DNAJC24: variants seen among roughly 807,000 people sequenced by gnomAD.
DNAJC24 encodes the protein dnaJ homolog subfamily C member 24.
A neutral mutation model predicts 18.0 loss-of-function variants in DNAJC24; 17 were observed. That is an observed-to-expected ratio of 0.94 (90% CI 0.65 to 1.42). DNAJC24 has a LOEUF of 1.42. Among genes scored for constraint, DNAJC24 ranks in the 40% most tolerant of loss-of-function variants. DNAJC24 has a pLI of 0.00. For missense variants in DNAJC24, 158 were observed against 175.6 expected (o/e 0.90, Z 0.57); for synonymous variants, 55 against 57.7 (o/e 0.95, Z 0.21).
intron 2 of DNAJC24, chr11:31,407,333 G>A (rs1952665695): frequency 6.6e-6 from 1 of 152,022 alleles, no homozygotes; most frequent in Non-Finnish European, 1.5e-5. Context: ...AATATATGTA[G>A]CCACTTTACC....
intron 2 of DNAJC24, among the ~76,000 whole-genome samples, chr11:31,394,350 C>T (rs989822580): frequency 8.5e-5 from 13 of 152,196 alleles, no homozygotes; most frequent in African/African-American, 3.1e-4. Context: ...AAGTTTTTCA[C>T]CACTCTGCAC....
At chr11:31,422,964 G>A (rs537823185) in intron 3 of DNAJC24, among the ~76,000 whole-genome samples, 8 of 152,058 alleles carry the variant, frequency 5.3e-5, no homozygotes, top group Admixed American at 2.6e-4. Flanking sequence ...TGTGTACCAC[G>A]TCTGCTCATT....
intron 2 of DNAJC24, among the ~76,000 whole-genome samples, chr11:31,409,481 A>G (rs1401294093): frequency 3.9e-5 from 6 of 152,212 alleles, no homozygotes; most frequent in Non-Finnish European, 8.8e-5. Flanking sequence ...TTGGGATTTC[A>G]TGTTCATGTA....
At chr11:31,396,001 T>C (rs895714025) in intron 2 of DNAJC24, among the ~76,000 whole-genome samples, 1 of 152,230 alleles carries the variant, frequency 6.6e-6, no homozygotes, top group African/African-American at 2.4e-5. Flanking sequence ...AAATTCTTCA[T>C]TGACCTTGGT....
chr11:31,426,386 T>G, intron 4 of DNAJC24, 31 bp downstream of exon 4: 1 of 1,140,588 alleles, frequency 8.8e-7, no homozygotes, highest in Non-Finnish European at 1.2e-6. Flanking sequence ...TGACAACATT[T>G]AAAAAAAAAA....
intron 2 of DNAJC24, among the ~76,000 whole-genome samples, chr11:31,397,161 A>G (rs1952550359): frequency 6.6e-6 from 1 of 152,200 alleles, no homozygotes; most frequent in Admixed American, 6.5e-5. Context: ...CTTTACCACT[A>G]GACTGTGAGT....
At chr11:31,409,759 A>T (rs1017920357) in intron 2 of DNAJC24, among the ~76,000 whole-genome samples, 1 of 152,122 alleles carries the variant, frequency 6.6e-6, no homozygotes. Context: ...ATTTTTATTG[A>T]TCATGGAGTA....
At chr11:31,389,982 T>A (rs1478459856) in intron 2 of DNAJC24, among the ~76,000 whole-genome samples, 1 of 152,030 alleles carries the variant, frequency 6.6e-6, no homozygotes, top group African/African-American at 2.4e-5. Flanking sequence ...AAACACAACA[T>A]ACCAAAACCT....
rs750907646 is a variant in DNAJC24 at position 31,432,457 on chromosome 11, C to T, written c.*2056C>T. The T allele has an allele frequency of 4.5e-6, 6 of 1,339,424 alleles. No individual in the cohort carries two copies. The South Asian group carries it at 4.7e-5, about 10-fold the overall frequency. The allele number at this position is 1,339,424 out of a possible 1,614,324, so 83.0% of individuals were successfully genotyped here. A position where few individuals can be genotyped will look rare whatever the true frequency, so the allele number is the denominator to read the frequency against. On this transcript the variant is annotated 3_prime_UTR_variant, in exon 5 of 5. Transcript: ENST00000465995. Reference sequence around the variant, plus strand: ...GGTTTCAACGGGAGTAATAAATTCACATGAAAAGGAGACAATAATCAAGTC... The same window carrying T: ...GGTTTCAACGGGAGTAATAAATTCATATGAAAAGGAGACAATAATCAAGTC...
chr11:31,403,298 T>G (rs1040538998), intron 2 of DNAJC24, among the ~76,000 whole-genome samples: 2 of 152,066 alleles, frequency 1.3e-5, no homozygotes, highest in African/African-American at 4.8e-5. Flanking sequence ...GTGAGACACT[T>G]TTTTCAGGGT....
At chr11:31,410,098 G>A (rs910017985) in intron 2 of DNAJC24, among the ~76,000 whole-genome samples, 1 of 152,014 alleles carries the variant, frequency 6.6e-6, no homozygotes, top group Non-Finnish European at 1.5e-5. Flanking sequence ...GGTCAGGCTA[G>A]TCTCAAACTC....
chr11:31,394,651 A>G (rs1423612960), intron 2 of DNAJC24, among the ~76,000 whole-genome samples: 1 of 152,138 alleles, frequency 6.6e-6, no homozygotes, highest in Admixed American at 6.5e-5. Context: ...AAAAGGAACC[A>G]TATTTAACAA....
At chr11:31,426,459 T>G in intron 4 of DNAJC24, 104 bp downstream of exon 4, 4 of 654,768 alleles carry the variant, frequency 6.1e-6, no homozygotes, top group Non-Finnish European at 7.6e-6. Context: ...GAAATAATAG[T>G]GTGGCTTTCT....
intron 2 of DNAJC24, among the ~76,000 whole-genome samples, chr11:31,391,608 TG>T (rs1952497223): frequency 6.6e-6 from 1 of 152,140 alleles, no homozygotes; most frequent in African/African-American, 2.4e-5. Context: ...CAATAACAAA[TG>T]CTGGCGAGGA....
chr11:31,418,212 A>C (rs899573428), intron 3 of DNAJC24, among the ~76,000 whole-genome samples: 4 of 152,134 alleles, frequency 2.6e-5, no homozygotes, highest in Non-Finnish European at 5.9e-5. Context: ...AAAGGCATGT[A>C]GTTTTTCAAG....
At chr11:31,410,642 A>C (rs911182717) in intron 2 of DNAJC24, among the ~76,000 whole-genome samples, 1 of 152,188 alleles carries the variant, frequency 6.6e-6, no homozygotes, top group Non-Finnish European at 1.5e-5. Context: ...TGTTGCCTTT[A>C]TGGATTACTT....
intron 2 of DNAJC24, among the ~76,000 whole-genome samples, chr11:31,397,399 T>TAAA (rs1182934057): frequency 3.9e-5 from 6 of 152,150 alleles, no homozygotes; most frequent in Admixed American, 2.0e-4. Context: ...GATCAATGAA[T>TAAA]CGTTGACTGC....
intron 3 of DNAJC24, among the ~76,000 whole-genome samples, chr11:31,419,267 G>T (rs1383713770): frequency 2.0e-5 from 3 of 151,930 alleles, no homozygotes; most frequent in African/African-American, 7.2e-5. Flanking sequence ...AGCATCGGGG[G>T]GTATGTTTTT....
intron 2 of DNAJC24, among the ~76,000 whole-genome samples, chr11:31,380,959 C>T (rs899535931): frequency 6.6e-6 from 1 of 152,104 alleles, no homozygotes; most frequent in Non-Finnish European, 1.5e-5. Context: ...TCCCTTCACC[C>T]ACTCCCAAAG....
Sources: allele counts gnomAD v4.1 joint callset (sites outside exome capture counted in the v4.1 genomes callset), GRCh38; gene constraint gnomAD v4.1.1; transcripts MANE v1.5; gene names NCBI Gene and HGNC (gene_info 2026-07-23, HGNC 2026-07-21).